SORCS2: variants seen among roughly 807,000 people sequenced by gnomAD.
SORCS2 encodes sortilin related VPS10 domain containing receptor 2, also known as VPS10 domain-containing receptor SorCS2.
SORCS2 carries 100 observed loss-of-function variants against 141.6 expected under a neutral mutation model. The observed-to-expected ratio is 0.71, with a 90% CI of 0.60 to 0.83. The LOEUF (loss-of-function observed/expected upper bound fraction) is 0.83. SORCS2 is among the 40% of genes least tolerant of loss of function. The probability of loss-of-function intolerance (pLI) is 0.00; values close to 1 mark genes in which losing one functional copy is unlikely to be tolerated. For missense variants in SORCS2, 1,646 were observed against 1,560.2 expected (o/e 1.05, Z -0.93); for synonymous variants, 789 against 676.9 (o/e 1.17, Z -2.57).
chr4:7,645,964 G>A (rs1721047469), intron 4 of SORCS2, among the ~76,000 whole-genome samples: 1 of 152,198 alleles, frequency 6.6e-6, no homozygotes. Flanking sequence ...AGCCCACCCG[G>A]CTGAAAATAT....
At chr4:7,218,413 T>C (rs1330147132) in intron 1 of SORCS2, among the ~76,000 whole-genome samples, 1 of 152,216 alleles carries the variant, frequency 6.6e-6, no homozygotes, top group Admixed American at 6.5e-5. Context: ...TACCTGGAAA[T>C]TGCATGAGGA....
chr4:7,481,156 C>A (rs1296340599), intron 2 of SORCS2, among the ~76,000 whole-genome samples: 1 of 152,236 alleles, frequency 6.6e-6, no homozygotes, highest in African/African-American at 2.4e-5. Context: ...CTTTACCCAG[C>A]ATGCACCTGA....
At chr4:7,695,704 GTGGATGGA>G (rs368124383) in intron 11 of SORCS2, among the ~76,000 whole-genome samples, 1 of 4,434 alleles carries the variant, frequency 2.3e-4, no homozygotes, top group Non-Finnish European at 4.6e-4. Flanking sequence ...TGGTGGGTGG[GTGGATGGA>G]TGGATGGATG....
At chr4:7,533,160 T>C (rs998049470) in intron 3 of SORCS2, among the ~76,000 whole-genome samples, 1 of 152,144 alleles carries the variant, frequency 6.6e-6, no homozygotes, top group African/African-American at 2.4e-5. Context: ...CACCTGGTGG[T>C]GCAGGGGGCC....
intron 2 of SORCS2, among the ~76,000 whole-genome samples, chr4:7,461,930 CTG>C (rs1729338959): frequency 3.3e-5 from 5 of 152,106 alleles, no homozygotes; most frequent in African/African-American, 1.2e-4. Flanking sequence ...CTCTGCTGTC[CTG>C]CAGGCTTCAG....
At chr4:7,329,967 G>A (rs1337092486) in intron 1 of SORCS2, among the ~76,000 whole-genome samples, 4 of 152,118 alleles carry the variant, frequency 2.6e-5, no homozygotes, top group African/African-American at 9.7e-5. Flanking sequence ...TCAGAAGTCT[G>A]AGATGAGTCT....
intron 2 of SORCS2, among the ~76,000 whole-genome samples, chr4:7,508,032 G>A (rs558734408): frequency 1.3e-4 from 20 of 152,134 alleles, no homozygotes; most frequent in South Asian, 1.0e-3. Context: ...GTGGACTCAC[G>A]ACGGGTACAG....
intron 3 of SORCS2, among the ~76,000 whole-genome samples, chr4:7,626,950 T>A (rs1577860522): frequency 6.6e-6 from 1 of 152,178 alleles, no homozygotes; most frequent in African/African-American, 2.4e-5. Context: ...ACTTTTCTCC[T>A]TTGTAAGATT....
rs1722563097 is a variant in SORCS2, at chr4:7,667,351, C to T, written c.1161+138C>T. ...AAGAACAGTGTGGCCACGCTTCGTC[C>T]AGCTGCTCACCCCTCACACCCTCCA... is the stretch of plus-strand genomic sequence containing the variant. On this transcript the variant is annotated intron_variant, in intron 8 of 26. Coordinates refer to ENST00000507866, the MANE Select transcript of SORCS2 (RefSeq NM_020777.3). 3.2e-5 allele frequency: 24 copies of T among 745,910 alleles called. No individual in the cohort carries two copies. In the South Asian group the frequency reaches 4.4e-4, roughly 14 times the overall value. 46.2% of individuals were successfully genotyped at this position (745,910 alleles called of 1,614,324 possible). A position where few individuals can be genotyped will look rare whatever the true frequency, so the allele number is the denominator to read the frequency against.
rs1219906916 is a variant in SORCS2, at chr4:7,441,770, C to T, written c.548+45415C>T. Among the ~76,000 whole-genome samples, 4 of 24,744 alleles carry T rather than the reference C, an allele frequency of 1.6e-4. 1 individual carries two copies. The South Asian group carries it at 9.2e-3, about 57-fold the overall frequency. 16.2% of individuals were successfully genotyped at this position (24,744 alleles called of 152,430 possible). The stretch of plus-strand genomic sequence containing the variant: ...AGCCCAGATCACCCTCCACCCCCTC[C>T]CCCAGCCCAGATCACCCTCCACCCC... On this transcript the variant is annotated intron_variant, in intron 2 of 26. Transcript: ENST00000507866.
chr4:7,353,740 G>C (rs529547618), intron 1 of SORCS2, among the ~76,000 whole-genome samples: 2 of 152,308 alleles, frequency 1.3e-5, no homozygotes, highest in South Asian at 4.2e-4. Context: ...GAGCCCAGGG[G>C]CTGGCTGGCT....
rs116622017 is a variant in SORCS2, at chr4:7,199,942, C to T, written c.480+6816C>T. On this transcript the variant is annotated intron_variant, in intron 1 of 26. Transcript: ENST00000507866. ...GAGGGACCGACACTCCCGGGGAATG[C>T]GAGCAGGAGGGGTTATGGGATAGAA... Among the ~76,000 whole-genome samples the T allele has an allele frequency of 8.5e-4, 129 of 152,134 alleles. 1 individual carries two copies. Among genetic ancestry groups the T allele is most frequent in the Admixed American group, 4.0e-3 (61 of 15,278 alleles).
At chr4:7,641,347 G>C (rs1720716812) in intron 4 of SORCS2, among the ~76,000 whole-genome samples, 1 of 152,166 alleles carries the variant, frequency 6.6e-6, no homozygotes, top group South Asian at 2.1e-4. Context: ...AGGAGAGAGA[G>C]CACAAGTTGG....
intron 2 of SORCS2, among the ~76,000 whole-genome samples, chr4:7,455,809 T>C (rs1317495211): frequency 1.3e-5 from 2 of 152,020 alleles, no homozygotes; most frequent in South Asian, 2.1e-4. Context: ...AGTGTTAGGG[T>C]CAGGCTCTGT....
intron 2 of SORCS2, among the ~76,000 whole-genome samples, chr4:7,419,771 C>A (rs4689741): frequency 0.5 from 75,881 of 151,968 alleles, 19,273 homozygotes; most frequent in Middle Eastern, 0.61. Context: ...GTCTGCAGGA[C>A]AGTGTAGATG....
intron 3 of SORCS2, among the ~76,000 whole-genome samples, chr4:7,565,976 G>A (rs62644747): frequency 0.56 from 81,887 of 146,550 alleles, 26,106 homozygotes; most frequent in East Asian, 0.89. Context: ...CTGTGATGAT[G>A]GTGATGATAA....
chr4:7,505,625 C>T (rs1212246139), intron 2 of SORCS2, among the ~76,000 whole-genome samples: 7 of 152,118 alleles, frequency 4.6e-5, no homozygotes, highest in Non-Finnish European at 1.0e-4. Context: ...ATGTACAAAG[C>T]AGTGCACACC....
chr4:7,591,449 G>A (rs977310195), intron 3 of SORCS2, among the ~76,000 whole-genome samples: 9 of 152,178 alleles, frequency 5.9e-5, no homozygotes, highest in African/African-American at 2.2e-4. Context: ...GACCAAGGGG[G>A]CACTGGGAAG....
chr4:7,354,378 C>A (rs1316661076), intron 1 of SORCS2, among the ~76,000 whole-genome samples: 1 of 152,060 alleles, frequency 6.6e-6, no homozygotes, highest in Non-Finnish European at 1.5e-5. Flanking sequence ...GGGGCTCAGC[C>A]CCCTGGCTTT....
Sources: allele counts gnomAD v4.1 joint callset (sites outside exome capture counted in the v4.1 genomes callset), GRCh38; gene constraint gnomAD v4.1.1; transcripts MANE v1.5; gene names NCBI Gene and HGNC (gene_info 2026-07-23, HGNC 2026-07-21).